Variants in VLDLR observed in about 807,000 individuals in gnomAD.
The protein encoded by VLDLR is very low density lipoprotein receptor, also known as very low-density lipoprotein receptor.
A neutral mutation model predicts 112.7 loss-of-function variants in VLDLR; 81 were observed. The ratio of observed to expected loss-of-function variants is 0.72; its 90% CI spans 0.60 to 0.86. The LOEUF is 0.86. Among genes scored for constraint, VLDLR ranks in the 40% least tolerant of loss-of-function variants. The pLI, the probability that VLDLR is intolerant of heterozygous loss-of-function variation, is 0.00. For missense variants in VLDLR, 1,237 were observed against 1,099.4 expected (o/e 1.13, Z -1.77); for synonymous variants, 436 against 384.8 (o/e 1.13, Z -1.56).
chr9:2,641,294 A>C, intron 3 of VLDLR, 83 bp from the exon 4 acceptor site: 1 of 1,603,938 alleles, frequency 6.2e-7, no homozygotes, highest in Non-Finnish European at 8.5e-7. Context: ...AGTCACAGGT[A>C]TTAGCGCTTC....
Position 2,648,068 on chromosome 9 carries a change from C to T in VLDLR, c.1823-140C>T, listed in dbSNP as rs186632435. On this transcript the variant is annotated intron_variant, in intron 12 of 18. Transcript: ENST00000382100. ...TGGATACAGGCTCTGCATGCTGCTT[C>T]GCAAGGTTTATGGTGACCCCGTTAA... is the stretch of plus-strand genomic sequence containing the variant. 98 of 1,152,304 alleles carry T rather than the reference C, an allele frequency of 8.5e-5. 1 individual carries two copies. In the Middle Eastern group the frequency reaches 1.7e-3, roughly 20 times the overall value. The allele number at this position is 1,152,304 out of a possible 1,614,324, so 71.4% of individuals were successfully genotyped here. A position where few individuals can be genotyped will look rare whatever the true frequency, so the allele number is the denominator to read the frequency against.
chr9:2,630,473 C>T (rs1479667071), intron 1 of VLDLR, among the ~76,000 whole-genome samples: 1 of 152,154 alleles, frequency 6.6e-6, no homozygotes, highest in Non-Finnish European at 1.5e-5. Context: ...AGCAGTGTGG[C>T]AGCATGAGCC....
At chr9:2,639,617 A>T (rs1817742326) in intron 2 of VLDLR, among the ~76,000 whole-genome samples, 2 of 152,190 alleles carry the variant, frequency 1.3e-5, no homozygotes, top group South Asian at 4.1e-4. Context: ...GTTGTAAGAT[A>T]ATGGGCAACC....
intron 1 of VLDLR, among the ~76,000 whole-genome samples, chr9:2,625,784 T>C (rs1254439156): frequency 6.6e-6 from 1 of 152,154 alleles, no homozygotes; most frequent in Non-Finnish European, 1.5e-5. Context: ...TCTGCTGAGG[T>C]TATGGGCGAG....
chr9:2,639,695 A>C (rs1361480487), intron 2 of VLDLR, among the ~76,000 whole-genome samples, 164 bp from the exon 3 acceptor site: 1 of 152,146 alleles, frequency 6.6e-6, no homozygotes, highest in African/African-American at 2.4e-5. Flanking sequence ...CTGAAAAAAA[A>C]TAATAATTTT....
chr9:2,650,844 G>A (rs2130806488), intron 15 of VLDLR, among the ~76,000 whole-genome samples: 1 of 152,306 alleles, frequency 6.6e-6, no homozygotes, highest in East Asian at 1.9e-4. Context: ...CAGAAATTAT[G>A]CTTAAGGAAG....
intron 1 of VLDLR, among the ~76,000 whole-genome samples, chr9:2,633,492 A>G (rs1817460885): frequency 6.6e-6 from 1 of 152,144 alleles, no homozygotes; most frequent in Admixed American, 6.5e-5. Context: ...GAAACTATCA[A>G]TTGACATTGA....
At chr9:2,628,123 G>A (rs1029650804) in intron 1 of VLDLR, among the ~76,000 whole-genome samples, 1 of 152,158 alleles carries the variant, frequency 6.6e-6, no homozygotes, top group Non-Finnish European at 1.5e-5. Context: ...AATATAGGAT[G>A]TCAGGCACCA....
chr9:2,629,265 C>G (rs1398563817), intron 1 of VLDLR, among the ~76,000 whole-genome samples: 1 of 152,228 alleles, frequency 6.6e-6, no homozygotes, highest in Non-Finnish European at 1.5e-5. Flanking sequence ...CAAGGTATAT[C>G]CGATGGAGGG....
Position 2,644,794 on chromosome 9 carries a change from T to C in VLDLR, c.1127T>C (p.Ile376Thr). Residue 376 changes from isoleucine to threonine, a missense_variant, in exon 8 of 19, where the codon ATA (isoleucine) becomes ACA (threonine). Transcript: ENST00000382100. ...TCTCATATCTGCAAAGACCTAGTTA[T>C]AGGCTACGAGTGTGACTGTGCAGCT... The part of the protein sequence containing the change: ...GCSHICKDLV[I>T]GYECDCAAGF... The C allele has an allele frequency of 1.2e-6, 2 of 1,614,218 alleles. No individual in the cohort carries two copies. The highest frequency in any genetic ancestry group is 1.1e-5 in the South Asian group (1 of 91,080).
intron 1 of VLDLR, among the ~76,000 whole-genome samples, chr9:2,629,526 G>C (rs1354797942): frequency 6.6e-6 from 1 of 152,122 alleles, no homozygotes; most frequent in Non-Finnish European, 1.5e-5. Flanking sequence ...TCTCTACCAG[G>C]TTTCCTGATC....
intron 1 of VLDLR, among the ~76,000 whole-genome samples, chr9:2,628,418 TC>T: frequency 6.6e-6 from 1 of 152,154 alleles, no homozygotes; most frequent in Middle Eastern, 3.4e-3. Flanking sequence ...AGTGAGTGGG[TC>T]CCCTTTGAGC....
rs933212623 is a variant in VLDLR, at chr9:2,659,706, C to G, written c.*5838C>G. On this transcript the variant is annotated 3_prime_UTR_variant, in exon 19 of 19. Coordinates refer to ENST00000382100, the MANE Select transcript of VLDLR (RefSeq NM_003383.5). The stretch of plus-strand genomic sequence containing the variant: ...AACTGTGGCTTGTAACTCAATGATG[C>G]TATAACTCCAGCACTGGATCTTAAG... The G allele has an allele frequency of 1.3e-5, 2 of 152,174 alleles. No individual in the cohort carries two copies. Among genetic ancestry groups the G allele is most frequent in the African/African-American group, 4.8e-5 (2 of 41,438 alleles). The allele number at this position is 152,174 out of a possible 1,614,324, so 9.4% of individuals were successfully genotyped here.
intron 1 of VLDLR, among the ~76,000 whole-genome samples, chr9:2,628,416 G>C (rs1254508393): frequency 6.6e-6 from 1 of 152,166 alleles, no homozygotes; most frequent in Non-Finnish European, 1.5e-5. Flanking sequence ...GAAGTGAGTG[G>C]GTCCCCTTTG....
At chr9:2,644,038 G>A (rs996059226) in intron 7 of VLDLR, 79 bp downstream of exon 7, 48 of 1,601,872 alleles carry the variant, frequency 3.0e-5, no homozygotes, top group Non-Finnish European at 3.8e-5. Context: ...TGGACCCCCC[G>A]TGATGGCTAG....
In VLDLR at chr9:2,648,353, A is replaced by T. The variant is rs771978296; in HGVS notation, c.1962+6A>T. ...TTGCACTAACAATATTTGAGGTAAG[A>T]TGTGTCTCACATCAAAGTGTGTACC... On this transcript the variant is annotated splice_donor_region_variant and intron_variant, in intron 13 of 18. Transcript: ENST00000382100. The T allele has an allele frequency of 1.2e-6, 2 of 1,614,140 alleles. No homozygotes were observed. Among genetic ancestry groups the T allele is most frequent in the Admixed American group, 3.3e-5 (2 of 60,028 alleles).
At chr9:2,652,999 C>T in intron 18 of VLDLR, 50 bp downstream of exon 18, 1 of 1,610,658 alleles carries the variant, frequency 6.2e-7, no homozygotes, top group African/African-American at 1.3e-5. Context: ...TGAGACTTTT[C>T]AGAAAGGAGA....
At chr9:2,653,757 A>T (rs1044376700) in intron 18 of VLDLR, 76 bp from the exon 19 acceptor site, 1 of 1,544,172 alleles carries the variant, frequency 6.5e-7, no homozygotes, top group African/African-American at 1.4e-5. Flanking sequence ...ACTCAAAAGC[A>T]AGGTCCATTT....
At chr9:2,641,037 G>A (rs1817798559) in intron 3 of VLDLR, among the ~76,000 whole-genome samples, 1 of 152,176 alleles carries the variant, frequency 6.6e-6, no homozygotes. Context: ...ATCTAGGTGT[G>A]CCCACTTGAC....
Sources: allele counts gnomAD v4.1 joint callset (sites outside exome capture counted in the v4.1 genomes callset), GRCh38; gene constraint gnomAD v4.1.1; transcripts MANE v1.5; gene names NCBI Gene and HGNC (gene_info 2026-07-23, HGNC 2026-07-21).